MAN2B1: variants seen among roughly 807,000 people sequenced by gnomAD.
The protein encoded by MAN2B1 is lysosomal alpha-mannosidase.
Under a neutral mutation model 127.5 loss-of-function variants are expected in MAN2B1, and 99 were observed. The observed-to-expected ratio is 0.78, with a 90% CI of 0.66 to 0.92. The LOEUF is 0.92. Among genes scored for constraint, MAN2B1 ranks in the 40% least tolerant of loss-of-function variants. The probability of loss-of-function intolerance (pLI) is 0.00; values close to 1 mark genes in which losing one functional copy is unlikely to be tolerated. For missense variants in MAN2B1, 1,304 were observed against 1,384.8 expected (o/e 0.94, Z 0.93); for synonymous variants, 573 against 568.8 (o/e 1.01, Z -0.11).
At chr19:12,654,986 C>T (rs1203932001) in intron 14 of MAN2B1, among the ~76,000 whole-genome samples, 1 of 152,106 alleles carries the variant, frequency 6.6e-6, no homozygotes, top group Non-Finnish European at 1.5e-5. Context: ...TTATTCTTTT[C>T]AGACAGGGTT....
Position 12,656,653 on chromosome 19 carries a change from T to G in MAN2B1, c.1562A>C (p.Lys521Thr), listed in dbSNP as rs1257204339. 1 of 1,613,906 alleles carries G rather than the reference T, an allele frequency of 6.2e-7. No homozygotes were observed. The highest frequency in any genetic ancestry group is 2.2e-5 in the East Asian group (1 of 44,874). ...QVIVYNPLGR[K>T]VNWMVRLPVS... ...CGGCAGCCGTACCATCCAATTCACC[T>G]TCCGCCCCAGGGGATTATAAACGAT... Residue 521 changes from lysine (K) to threonine (T), a missense_variant, in exon 13 of 24, where the codon AAG becomes ACG. Transcript: ENST00000456935.
chr19:12,665,554 G>A, intron 2 of MAN2B1, 29 bp from the exon 3 acceptor site: 1 of 1,613,764 alleles, frequency 6.2e-7, no homozygotes, highest in Non-Finnish European at 8.5e-7. Flanking sequence ...AGGCTCTCAG[G>A]GAACAGCAGA....
chr19:12,649,186 C>T lies in MAN2B1; in HGVS notation c.2386G>A (p.Asp796Asn). 1 of 1,613,096 alleles carries T rather than the reference C, an allele frequency of 6.2e-7. No homozygotes were observed. The highest frequency in any genetic ancestry group is 8.5e-7 in the Non-Finnish European group (1 of 1,180,002). ...AGGCTGCTGCCCCCCTGGGAGCGGT[C>T]AGTCAGCACAGTCAGCTGCATGTTT... Reference protein sequence around the residue: ...DGNMQLTVLTDRSQGGSSLRD... With the variant: ...DGNMQLTVLTNRSQGGSSLRD... The change falls in exon 20 of 24, where the codon GAC (aspartate) becomes AAC (asparagine). Residue 796 changes from aspartate (D) to asparagine (N), a missense_variant. Transcript: ENST00000456935.
chr19:12,661,121 G>C (rs2024091841), intron 7 of MAN2B1, 139 bp downstream of exon 7: 1 of 729,080 alleles, frequency 1.4e-6, no homozygotes, highest in East Asian at 2.6e-5. Context: ...GAGCTGCTAA[G>C]TGTGTGGTCA....
chr19:12,662,324 G>A (rs900119642), intron 6 of MAN2B1, among the ~76,000 whole-genome samples: 1 of 151,174 alleles, frequency 6.6e-6, no homozygotes, highest in Non-Finnish European at 1.5e-5. Context: ...AAAAAATAAT[G>A]TTTTTTAATT....
chr19:12,649,350 A>G lies in MAN2B1; in HGVS notation c.2346T>C (p.Ile782=). ...AGNYYPVNTR[I]YITDGNMQLT... Reference sequence around the variant, plus strand: ...GATGGGGGAGAGCTACCGTGATGTAAATCCGGGTGTTGACTGGATAGTAGT... The same window carrying G: ...GATGGGGGAGAGCTACCGTGATGTAGATCCGGGTGTTGACTGGATAGTAGT... The change falls in exon 19 of 24, where the codon ATT becomes ATC. Residue 782 remains isoleucine, a synonymous_variant. Transcript: ENST00000456935. 1 of 1,613,340 alleles carries G rather than the reference A, an allele frequency of 6.2e-7. No homozygotes were observed. The highest frequency in any genetic ancestry group is 8.5e-7 in the Non-Finnish European group (1 of 1,179,590).
intron 4 of MAN2B1, among the ~76,000 whole-genome samples, chr19:12,664,535 G>A (rs756360791): frequency 5.3e-5 from 8 of 152,032 alleles, no homozygotes; most frequent in Non-Finnish European, 8.8e-5. Context: ...AGTGGGTGGG[G>A]CCAGAACACC....
chr19:12,648,209 G>C lies in MAN2B1; in HGVS notation c.2630C>G (p.Ala877Gly), dbSNP rs1337442055. 1.9e-6 allele frequency: 3 copies of C among 1,558,292 alleles called. No homozygotes were observed. Among genetic ancestry groups the C allele is most frequent in the Non-Finnish European group, 2.6e-6 (3 of 1,158,220 alleles). ...CGGAGGAGCCCCGAGATTGTAGGCG[G>C]CGCCGCCACCCGGGGCCAGCACCAC... ...PQVVLAPGGG[A>G]AYNLGAPPRT... The change falls in exon 21 of 24, where the codon GCC becomes GGC. Residue 877 changes from alanine to glycine, a missense_variant. Physicochemically the swap from Ala to Gly is moderately conservative, Grantham distance 60 (BLOSUM62 0). Coordinates refer to ENST00000456935, the MANE Select transcript of MAN2B1 (RefSeq NM_000528.4).
intron 7 of MAN2B1, 107 bp downstream of exon 7, chr19:12,661,153 T>C (rs570191691): frequency 1.4e-5 from 11 of 807,996 alleles, no homozygotes; most frequent in Middle Eastern, 3.5e-4. Context: ...ATGACCACAA[T>C]AGAACAATAG....
Position 12,649,230 on chromosome 19 carries a change from G to A in MAN2B1, c.2356-14C>T, listed in dbSNP as rs1438569371. Reference sequence around the variant, plus strand: ...CATGTTTCCATCCTGGGAGTTGAAGGGTGAAAGTAGAGGGCAGTCAACCCC... The same window carrying A: ...CATGTTTCCATCCTGGGAGTTGAAGAGTGAAAGTAGAGGGCAGTCAACCCC... On this transcript the variant is annotated splice_polypyrimidine_tract_variant and intron_variant, in intron 19 of 23. Transcript: ENST00000456935. The A allele has an allele frequency of 5.0e-6, 8 of 1,613,290 alleles. No homozygotes were observed. Among genetic ancestry groups the A allele is most frequent in the Non-Finnish European group, 6.8e-6 (8 of 1,179,546 alleles).
At chr19:12,663,955 T>A in intron 4 of MAN2B1, 120 bp from the exon 5 acceptor site, 1 of 1,320,612 alleles carries the variant, frequency 7.6e-7, no homozygotes, top group Non-Finnish European at 1.1e-6. Context: ...TAGGTCGATG[T>A]GGTGGCTCTT....
In MAN2B1 at chr19:12,666,651, G is replaced by A. The variant is rs747792561; in HGVS notation, c.51C>T (p.Asp17=). The A allele has an allele frequency of 5.2e-6, 8 of 1,553,140 alleles. No individual in the cohort carries two copies. The highest frequency in any genetic ancestry group is 4.4e-6 in the Non-Finnish European group (5 of 1,148,508). ...GGGACATGGTCCAGGGGCCTGCTGAGTCCAGGCAGCCGCGAGCGCAGACCC... is the reference window on the plus strand; with the variant it reads ...GGGACATGGTCCAGGGGCCTGCTGAATCCAGGCAGCCGCGAGCGCAGACCC... ...ASGVCARGCL[D]SAGPWTMSRA... The change falls in exon 1 of 24, where the codon GAC becomes GAT. Residue 17 remains aspartate, a synonymous_variant. Coordinates refer to ENST00000456935, the MANE Select transcript of MAN2B1 (RefSeq NM_000528.4).
rs545135331 is a variant in MAN2B1 at position 12,651,881 on chromosome 19, A to G, written c.2046+272T>C. Among the ~76,000 whole-genome samples the G allele has an allele frequency of 1.5e-3, 233 of 152,248 alleles. 1 individual carries two copies. Among genetic ancestry groups the G allele is most frequent in the African/African-American group, 5.4e-3 (225 of 41,540 alleles). The stretch of plus-strand genomic sequence containing the variant: ...GCCAAGTGGGAATGCCCCACCCCCA[A>G]TTTCCAAAACTAAGTATGTAAACGT... On this transcript the variant is annotated intron_variant, in intron 16 of 23. Coordinates refer to ENST00000456935, the MANE Select transcript of MAN2B1 (RefSeq NM_000528.4).
chr19:12,657,166 G>A, intron 11 of MAN2B1, 110 bp from the exon 12 acceptor site: 1 of 753,688 alleles, frequency 1.3e-6, no homozygotes, highest in Non-Finnish European at 2.3e-6. Context: ...CTCAAGAGTC[G>A]CCCCAAAACC....
At chr19:12,656,312 G>A (rs1260371116) in intron 13 of MAN2B1, 6 of 495,608 alleles carry the variant, frequency 1.2e-5, no homozygotes, top group East Asian at 3.6e-5. Flanking sequence ...AGCCAAGATC[G>A]CGCCACTGCA....
chr19:12,662,022 T>A (rs747258437), intron 6 of MAN2B1, among the ~76,000 whole-genome samples: 73 of 152,074 alleles, frequency 4.8e-4, no homozygotes, highest in Non-Finnish European at 9.1e-4. Flanking sequence ...TTTTTGTATT[T>A]TTAGTAGAGA....
At position 12,649,390 on chromosome 19, in the gene MAN2B1, T is replaced by C. The variant is rs1026952158; in HGVS notation, c.2306A>G (p.Glu769Gly). The C allele has an allele frequency of 3.7e-6, 6 of 1,612,872 alleles. No homozygotes were observed. The Admixed American group carries it at 1.0e-4, about 27-fold the overall frequency. The change falls in exon 19 of 24, where the codon GAG becomes GGG. Residue 769 changes from glutamate (E) to glycine (G), a missense_variant. Physicochemically the swap from Glu to Gly is moderately conservative, Grantham distance 98. Coordinates refer to ENST00000456935, the MANE Select transcript of MAN2B1 (RefSeq NM_000528.4). The part of the protein sequence containing the change: ...YRPTWKLNQT[E>G]PVAGNYYPVN... The stretch of plus-strand genomic sequence containing the variant: ...TGGATAGTAGTTTCCTGCCACGGGC[T>C]CCGTCTGGTTCAGTTTCCAGGTGGG...
At chr19:12,656,045 G>C in intron 13 of MAN2B1, 166 bp from the exon 14 acceptor site, 1 of 588,538 alleles carries the variant, frequency 1.7e-6, no homozygotes. Flanking sequence ...TTGCAGAGAA[G>C]ATTCACCAGG....
rs2145253449 is a variant in MAN2B1, at chr19:12,656,697, CG to C, written c.1528-11del. On this transcript the variant is annotated splice_polypyrimidine_tract_variant and intron_variant, in intron 12 of 23. Coordinates refer to ENST00000456935, the MANE Select transcript of MAN2B1 (RefSeq NM_000528.4). ...AAACGATGACCTGGAACTGGGGAGG[CG>C]GGGGTCAGAGAGGGCATGGGTCACA... 6.3e-7 allele frequency: 1 copy of C among 1,587,980 alleles called. No individual in the cohort carries two copies. Among genetic ancestry groups the C allele is most frequent in the Non-Finnish European group, 8.6e-7 (1 of 1,156,344 alleles).
Sources: allele counts gnomAD v4.1 joint callset (sites outside exome capture counted in the v4.1 genomes callset), GRCh38; gene constraint gnomAD v4.1.1; transcripts MANE v1.5; gene names NCBI Gene and HGNC (gene_info 2026-07-23, HGNC 2026-07-21).